Variants in C12orf75 observed in about 807,000 individuals in gnomAD.
C12orf75 encodes overexpressed in colon carcinoma 1 protein.
Under a neutral mutation model 11.4 loss-of-function variants are expected in C12orf75, and 4 were observed. The ratio of observed to expected loss-of-function variants is 0.35; its 90% CI spans 0.17 to 0.80. C12orf75 has a LOEUF of 0.80. Ranked by LOEUF, C12orf75 falls within the 30% of genes least tolerant of loss-of-function variation. The probability of loss-of-function intolerance (pLI) is 0.52; values close to 1 mark genes in which losing one functional copy is unlikely to be tolerated. For missense variants in C12orf75, 89 were observed against 80.4 expected, an observed-to-expected ratio of 1.11 and a Z score of -0.41; for synonymous variants, 30 against 30.0, an observed-to-expected ratio of 1.00 and a Z score of 0.00.
chr12:105,350,547 G>A (rs554841558), intron 2 of C12orf75, among the ~76,000 whole-genome samples: 35 of 152,292 alleles, frequency 2.3e-4, no homozygotes, highest in African/African-American at 7.7e-4. Flanking sequence ...TATCCTTTGT[G>A]AGAAGTATTT....
At chr12:105,339,677 C>T (rs766712380) in intron 1 of C12orf75, among the ~76,000 whole-genome samples, 7 of 151,782 alleles carry the variant, frequency 4.6e-5, no homozygotes, top group African/African-American at 7.3e-5. Context: ...GGTGCAGTGG[C>T]GTGATCTCCG....
At chr12:105,333,977 C>T (rs1157138322) in intron 1 of C12orf75, among the ~76,000 whole-genome samples, 3 of 152,138 alleles carry the variant, frequency 2.0e-5, no homozygotes, top group Non-Finnish European at 4.4e-5. Flanking sequence ...GGATGGCTGC[C>T]TCTCTTGGCT....
chr12:105,341,260 C>T (rs1892569419), intron 1 of C12orf75, among the ~76,000 whole-genome samples: 1 of 152,024 alleles, frequency 6.6e-6, no homozygotes, highest in Non-Finnish European at 1.5e-5. Flanking sequence ...ACTACTAGGA[C>T]ACATACAATT....
chr12:105,367,594 T>G (rs1010730623), intron 5 of C12orf75, 85 bp downstream of exon 5: 24 of 360,162 alleles, frequency 6.7e-5, no homozygotes, highest in African/African-American at 4.4e-4. Flanking sequence ...ATAAAAAATT[T>G]CTAAGAAATC....
chr12:105,353,562 G>C (rs1319987791), intron 2 of C12orf75: 2 of 151,678 alleles, frequency 1.3e-5, no homozygotes, highest in African/African-American at 2.4e-5. Flanking sequence ...TTGGGATGCC[G>C]TTACCAAAAA....
intron 2 of C12orf75, among the ~76,000 whole-genome samples, chr12:105,358,613 C>A (rs980374276): frequency 3.3e-5 from 5 of 152,182 alleles, no homozygotes; most frequent in African/African-American, 7.2e-5. Flanking sequence ...TTCAGTCTTA[C>A]ATTTTTTCAA....
intron 5 of C12orf75, among the ~76,000 whole-genome samples, 161 bp downstream of exon 5, chr12:105,367,670 G>A (rs1592886514): frequency 6.6e-6 from 1 of 152,140 alleles, no homozygotes; most frequent in African/African-American, 2.4e-5. Flanking sequence ...TTGCATAGAG[G>A]TGAATAATCA....
chr12:105,365,942 A>G, intron 3 of C12orf75, 100 bp downstream of exon 3: 1 of 815,436 alleles, frequency 1.2e-6, no homozygotes, highest in Non-Finnish European at 2.1e-6. Context: ...AGATTCTGCC[A>G]GGAAAACTGT....
chr12:105,350,234 A>T (rs1179550203), intron 2 of C12orf75, among the ~76,000 whole-genome samples: 2 of 152,212 alleles, frequency 1.3e-5, no homozygotes, highest in African/African-American at 4.8e-5. Context: ...AAACCTTTCA[A>T]TTATTCCCAT....
At chr12:105,347,102 T>C (rs1213112900) in intron 1 of C12orf75, among the ~76,000 whole-genome samples, 3 of 152,216 alleles carry the variant, frequency 2.0e-5, no homozygotes, top group African/African-American at 7.2e-5. Context: ...CCATATATCT[T>C]GTAGGAGTTG....
At chr12:105,334,020 T>G (rs1396834975) in intron 1 of C12orf75, among the ~76,000 whole-genome samples, 1 of 152,186 alleles carries the variant, frequency 6.6e-6, no homozygotes, top group Admixed American at 6.5e-5. Flanking sequence ...CATGACAGAT[T>G]GATATGCAGT....
intron 1 of C12orf75, among the ~76,000 whole-genome samples, chr12:105,332,836 A>G (rs116916418): frequency 0.044 from 6,598 of 150,904 alleles, 196 homozygotes; most frequent in Admixed American, 0.052. Flanking sequence ...GGGGGAAAAT[A>G]TGATTTCTTG....
At chr12:105,357,745 G>C (rs1892801910) in intron 2 of C12orf75, among the ~76,000 whole-genome samples, 1 of 150,486 alleles carries the variant, frequency 6.6e-6, no homozygotes, top group Non-Finnish European at 1.5e-5. Flanking sequence ...AACAAAAGGA[G>C]ACCTGATTTT....
At chr12:105,344,293 C>T (rs12305734) in intron 1 of C12orf75, among the ~76,000 whole-genome samples, 9,070 of 152,238 alleles carry the variant, frequency 0.06, 893 homozygotes, top group African/African-American at 0.21. Context: ...GACTGTCAGA[C>T]AAATACTGGC....
chr12:105,348,147 G>T (rs751882806), intron 1 of C12orf75, among the ~76,000 whole-genome samples: 1 of 152,168 alleles, frequency 6.6e-6, no homozygotes, highest in Non-Finnish European at 1.5e-5. Flanking sequence ...CGGTGCAGTG[G>T]CTCATGCCTG....
chr12:105,352,661 T>C (rs1892727335), intron 2 of C12orf75, among the ~76,000 whole-genome samples: 1 of 152,156 alleles, frequency 6.6e-6, no homozygotes, highest in Admixed American at 6.5e-5. Flanking sequence ...TGGATATTGC[T>C]GTAGGCTAAA....
intron 2 of C12orf75, among the ~76,000 whole-genome samples, chr12:105,350,477 GCCCTTT>G (rs1046119650): frequency 5.9e-5 from 9 of 152,152 alleles, no homozygotes; most frequent in Admixed American, 2.0e-4. Context: ...GCCTGGAGTG[GCCCTTT>G]CCCTTTCCCT....
At chr12:105,334,372 A>G (rs191389034) in intron 1 of C12orf75, among the ~76,000 whole-genome samples, 12 of 152,374 alleles carry the variant, frequency 7.9e-5, no homozygotes, top group Non-Finnish European at 1.8e-4. Flanking sequence ...ATAATAGAAT[A>G]TAATCTGGAC....
chr12:105,356,116 C>G (rs1229287834), intron 2 of C12orf75, among the ~76,000 whole-genome samples: 1 of 152,080 alleles, frequency 6.6e-6, no homozygotes, highest in Non-Finnish European at 1.5e-5. Flanking sequence ...CCAAAACAGC[C>G]AATGGTAAAA....
Sources: allele counts gnomAD v4.1 joint callset (sites outside exome capture counted in the v4.1 genomes callset), GRCh38; gene constraint gnomAD v4.1.1; transcripts MANE v1.5; gene names NCBI Gene and HGNC (gene_info 2026-07-23, HGNC 2026-07-21).